Variants in LMTK3 observed in about 807,000 individuals in gnomAD.
LMTK3 encodes lemur tail kinase 3, also known as serine/threonine-protein kinase LMTK3.
LMTK3 carries 27 observed loss-of-function variants against 116.7 expected under a neutral mutation model. That is an observed-to-expected ratio of 0.23 (90% CI 0.17 to 0.32). The LOEUF is 0.32. Ranked by LOEUF, LMTK3 falls within the 10% of genes least tolerant of loss-of-function variation. LMTK3 has a pLI of 1.00. For missense variants in LMTK3, 1,764 were observed against 2,068.5 expected (o/e 0.85, Z 2.86); for synonymous variants, 965 against 971.0 (o/e 0.99, Z 0.11).
intron 12 of LMTK3, among the ~76,000 whole-genome samples, chr19:48,493,461 G>C (rs1371258441): frequency 4.2e-5 from 4 of 94,434 alleles, no homozygotes; most frequent in Non-Finnish European, 8.3e-5. Context: ...TCCAGGCCCC[G>C]CATCACTCCA....
Position 48,493,896 on chromosome 19 carries a change from G to T in LMTK3, c.3890C>A (p.Ala1297Glu). Residue 1297 changes from alanine to glutamate, a missense_variant, in exon 12 of 15, where the codon GCG (alanine) becomes GAG (glutamate). This residue lies in a region of LMTK3 where 281 missense variants were observed against 301.4 expected (regional missense o/e 0.93). Transcript: ENST00000600059. ...CCTCCCGGGGCCCCGCGGCCCCGCC[G>T]CCGCGCCCGGCGCCGCCGCCTCCTC... ...EDEEAAAPGA[A>E]AGPRGPGRAR... 9.6e-7 allele frequency: 1 copy of T among 1,038,134 alleles called. No homozygotes were observed. Among genetic ancestry groups the T allele is most frequent in the Non-Finnish European group, 1.2e-6 (1 of 867,898 alleles). 64.3% of individuals were successfully genotyped at this position (1,038,134 alleles called of 1,614,324 possible).
intron 12 of LMTK3, among the ~76,000 whole-genome samples, chr19:48,492,869 C>T (rs1007059199): frequency 2.0e-5 from 3 of 152,114 alleles, no homozygotes; most frequent in African/African-American, 7.2e-5. Context: ...GTCACAAGCC[C>T]TGCCCTCACC....
intron 14 of LMTK3, among the ~76,000 whole-genome samples, chr19:48,489,215 G>T (rs917650201): frequency 6.6e-6 from 1 of 152,160 alleles, no homozygotes; most frequent in Admixed American, 6.6e-5. Flanking sequence ...CCAGCATGGC[G>T]CCTGCACGCA....
rs764443728 is a variant in LMTK3 at position 48,491,196 on chromosome 19, G to A, written c.4278C>T (p.Gly1426=). The A allele has an allele frequency of 7.8e-6, 11 of 1,402,862 alleles. No homozygotes were observed. Among genetic ancestry groups the A allele is most frequent in the East Asian group, 2.8e-5 (1 of 35,524 alleles). The allele number at this position is 1,402,862 out of a possible 1,614,324, so 86.9% of individuals were successfully genotyped here. A position where few individuals can be genotyped will look rare whatever the true frequency, so the allele number is the denominator to read the frequency against. The change falls in exon 14 of 15, where the codon GGC becomes GGT. Residue 1426 remains glycine (G), a synonymous_variant. Coordinates refer to ENST00000600059, the MANE Select transcript of LMTK3 (RefSeq NM_001388485.1). The surrounding 1 kb of genome is among the most constrained non-coding windows in gnomAD (Gnocchi z 5.1). ...AGAAGCGGGAGAAGCACAGCGGGGGGCCTGGAGGGGGGAGGAGGGGGAAAT... is the reference window on the plus strand; with the variant it reads ...AGAAGCGGGAGAAGCACAGCGGGGGACCTGGAGGGGGGAGGAGGGGGAAAT... The part of the protein sequence containing the change: ...AEDFPLLPPP[G]PPLCFSRFSV...
At chr19:48,487,010 TGC>T (rs1376551152) in intron 14 of LMTK3, among the ~76,000 whole-genome samples, 2 of 150,270 alleles carry the variant, frequency 1.3e-5, no homozygotes, top group African/African-American at 2.5e-5. Context: ...GGATTGCAGG[TGC>T]CTGCCACCAC....
At chr19:48,487,348 G>A (rs2147526253) in intron 14 of LMTK3, among the ~76,000 whole-genome samples, 1 of 152,140 alleles carries the variant, frequency 6.6e-6, no homozygotes, top group East Asian at 1.9e-4. Context: ...GCTAATTTTT[G>A]TATTTTTCAT....
upstream of LMTK3, among the ~76,000 whole-genome samples, chr19:48,512,395 A>T (rs571142848): frequency 2.6e-5 from 4 of 152,132 alleles, no homozygotes; most frequent in Admixed American, 2.0e-4. Flanking sequence ...CCCCAGATCC[A>T]CAGACGCACA....
chr19:48,488,718 C>T (rs1006237110), intron 14 of LMTK3, among the ~76,000 whole-genome samples: 4 of 150,038 alleles, frequency 2.7e-5, no homozygotes, highest in Non-Finnish European at 5.9e-5. Flanking sequence ...CCAACCCTTC[C>T]AGTTCCCAGT....
In LMTK3 at chr19:48,485,639, G is replaced by A; in HGVS notation, c.*134C>T. 1 of 973,452 alleles carries A rather than the reference G, an allele frequency of 1.0e-6. No homozygotes were observed. The highest frequency in any genetic ancestry group is 1.6e-6 in the Non-Finnish European group (1 of 637,726). 60.3% of individuals were successfully genotyped at this position (973,452 alleles called of 1,614,324 possible). On this transcript the variant is annotated 3_prime_UTR_variant, in exon 15 of 15. Transcript: ENST00000600059. ...CCGTTTGGCACATGGTAGGGGAGTG[G>A]GAGGGGGAGGGCCCAGCCTCGGGGG...
chr19:48,493,661 G>T, intron 12 of LMTK3, 33 bp downstream of exon 12: 1 of 1,537,710 alleles, frequency 6.5e-7, no homozygotes, highest in Non-Finnish European at 8.8e-7. Flanking sequence ...TCCAGGCCGC[G>T]ACCCCGAAAC....
In LMTK3 at chr19:48,511,679, T is replaced by G; in HGVS notation, c.-103A>C. The G allele has an allele frequency of 1.8e-6, 1 of 542,842 alleles. No homozygotes were observed. 33.6% of individuals were successfully genotyped at this position (542,842 alleles called of 1,614,324 possible). A position where few individuals can be genotyped will look rare whatever the true frequency, so the allele number is the denominator to read the frequency against. The stretch of plus-strand genomic sequence containing the variant: ...GGGGACCCGCGCGACCCTGGCCTCC[T>G]CCCGGCCCAGGAGAGGGGCAGGAGA... On this transcript the variant is annotated 5_prime_UTR_variant, in exon 1 of 15. Coordinates refer to ENST00000600059, the MANE Select transcript of LMTK3 (RefSeq NM_001388485.1).
chr19:48,493,812 G>A lies in LMTK3; in HGVS notation c.3974C>T (p.Pro1325Leu), dbSNP rs760074148. 1 of 1,504,384 alleles carries A rather than the reference G, an allele frequency of 6.6e-7. No individual in the cohort carries two copies. The highest frequency in any genetic ancestry group is 8.9e-7 in the Non-Finnish European group (1 of 1,127,336). The allele number at this position is 1,504,384 out of a possible 1,614,324, so 93.2% of individuals were successfully genotyped here. ...CGGAGACTTGAGCAGCCCCCGCAGC[G>A]GGCGGGCCGCGTCCGCGTCGGCGCT... ...VSSADADAARPLRGLLKSPRG... is the reference protein window; with the variant it reads ...VSSADADAARLLRGLLKSPRG... The change falls in exon 12 of 15, where the codon CCG becomes CTG. Residue 1325 changes from proline to leucine, a missense_variant. By Grantham distance (98) the Pro-to-Leu change is moderately conservative (BLOSUM62 -3). This residue lies in a region of LMTK3 where 281 missense variants were observed against 301.4 expected (regional missense o/e 0.93). Coordinates refer to ENST00000600059, the MANE Select transcript of LMTK3 (RefSeq NM_001388485.1).
At position 48,499,215 on chromosome 19, in the gene LMTK3, C is replaced by G. The variant is rs2147545787; in HGVS notation, c.1854G>C (p.Gly618=). ...SGWDPEGRGA[G]ETLAGDPAEV... ...CGGCAGGGTCTCCCGCCAGGGTCTC[C>G]CCGGCGCCCCGGCCCTCGGGGTCCC... is the stretch of plus-strand genomic sequence containing the variant. The change falls in exon 11 of 15, where the codon GGG becomes GGC. Residue 618 remains glycine (G), a synonymous_variant. Transcript: ENST00000600059. 7.2e-7 allele frequency: 1 copy of G among 1,393,936 alleles called. No homozygotes were observed. Among genetic ancestry groups the G allele is most frequent in the South Asian group, 1.6e-5 (1 of 62,530 alleles). 86.3% of individuals were successfully genotyped at this position (1,393,936 alleles called of 1,614,324 possible).
chr19:48,511,562 G>T lies in LMTK3; in HGVS notation c.15C>A (p.Gly5=). 7.0e-7 allele frequency: 1 copy of T among 1,438,318 alleles called. No homozygotes were observed. Among genetic ancestry groups the T allele is most frequent in the Non-Finnish European group, 9.2e-7 (1 of 1,082,618 alleles). The allele number at this position is 1,438,318 out of a possible 1,614,324, so 89.1% of individuals were successfully genotyped here. A position where few individuals can be genotyped will look rare whatever the true frequency, so the allele number is the denominator to read the frequency against. Residue 5 remains glycine, a synonymous_variant, in exon 1 of 15, where the codon GGC becomes GGA. Transcript: ENST00000600059. The stretch of plus-strand genomic sequence containing the variant: ...AGACGGCCGCAAGGAGGATGAGGGC[G>T]CCGGGGGCAGGCATCTTGTCGAGGA... MPAP[G]ALILLAAVSA... is the part of the protein sequence containing the mutation.
chr19:48,488,194 C>T (rs188303255), intron 14 of LMTK3, among the ~76,000 whole-genome samples: 1 of 152,240 alleles, frequency 6.6e-6, no homozygotes, highest in Non-Finnish European at 1.5e-5. Flanking sequence ...CCCTGGAATG[C>T]ACCCCCACCC....
chr19:48,488,354 C>T (rs2147527290), intron 14 of LMTK3, among the ~76,000 whole-genome samples: 1 of 152,274 alleles, frequency 6.6e-6, no homozygotes, highest in East Asian at 1.9e-4. Context: ...TCTCCATTCC[C>T]ACAGCCCTGG....
In LMTK3 at chr19:48,487,821, C is replaced by G. The variant is rs78723933; in HGVS notation, c.4367-2032G>C. Among the ~76,000 whole-genome samples the G allele has an allele frequency of 3.4e-3, 515 of 152,254 alleles. 5 individuals carry two copies. Among genetic ancestry groups the G allele is most frequent in the African/African-American group, 0.012 (483 of 41,546 alleles). On this transcript the variant is annotated intron_variant, in intron 14 of 14. Coordinates refer to ENST00000600059, the MANE Select transcript of LMTK3 (RefSeq NM_001388485.1). The stretch of plus-strand genomic sequence containing the variant: ...TGGGTCAAGTCACTGCCCTCACTCC[C>G]AGTCCCTGAGCTTGAGTTTCGCTCT...
At chr19:48,508,470 C>G (rs182551301) in intron 5 of LMTK3, among the ~76,000 whole-genome samples, 3 of 152,098 alleles carry the variant, frequency 2.0e-5, no homozygotes, top group Non-Finnish European at 4.4e-5. Context: ...GCTCAGGGAC[C>G]TAGTCTGTGG....
rs746601420 is a variant in LMTK3 at position 48,491,145 on chromosome 19, C to G, written c.4329G>C (p.Pro1443=). 7.9e-7 allele frequency: 1 copy of G among 1,267,272 alleles called. No individual in the cohort carries two copies. Among genetic ancestry groups the G allele is most frequent in the Non-Finnish European group, 1.0e-6 (1 of 1,002,874 alleles). 78.5% of individuals were successfully genotyped at this position (1,267,272 alleles called of 1,614,324 possible). A position where few individuals can be genotyped will look rare whatever the true frequency, so the allele number is the denominator to read the frequency against. ...CGTCGGGGGCCCGGGCGGGTGGCCC[C>G]GGGGTCTCCAGCGCAGGCGAGACGG... ...RFSVSPALET[P]GPPARAPDAR... The change falls in exon 14 of 15, where the codon CCG becomes CCC. Residue 1443 remains proline, a synonymous_variant. Transcript: ENST00000600059. The surrounding 1 kb of genome is among the most constrained non-coding windows in gnomAD (Gnocchi z 5.1).
Sources: gnomAD v4.1 joint callset for allele counts (sites outside exome capture counted in the v4.1 genomes callset) on GRCh38, gnomAD v4.1.1 for gene constraint, gnomAD v4.1.1 regional missense constraint, Gnocchi (gnomAD v3.1) non-coding constraint, MANE v1.5 for transcripts, NCBI Gene and HGNC (gene_info 2026-07-23, HGNC 2026-07-21) for gene names.